The following PLCB1 variants were observed in gnomAD, a reference collection of about 807,000 sequenced individuals.
PLCB1 encodes the protein 1-phosphatidylinositol 4,5-bisphosphate phosphodiesterase beta-1.
In PLCB1, 46 loss-of-function variants were observed where a neutral mutation model predicts 161.8. The observed-to-expected ratio is 0.28, with a 90% CI of 0.22 to 0.36. The LOEUF (loss-of-function observed/expected upper bound fraction) is 0.36, where lower values mean the gene tolerates loss of function less well. PLCB1 is among the 10% of genes least tolerant of loss of function. The pLI, the probability that PLCB1 is intolerant of heterozygous loss-of-function variation, is 1.00. For missense variants in PLCB1, 1,016 were observed against 1,472.5 expected (o/e 0.69, Z 5.07); for synonymous variants, 517 against 503.7 (o/e 1.03, Z -0.35).
chr20:8,635,598 G>A (rs925984454), intron 4 of PLCB1, among the ~76,000 whole-genome samples: 1 of 152,120 alleles, frequency 6.6e-6, no homozygotes, highest in African/African-American at 2.4e-5. Context: ...GAGTTACTGT[G>A]ACTGTCACTT....
intron 3 of PLCB1, among the ~76,000 whole-genome samples, chr20:8,622,416 TC>T (rs1274149723): frequency 6.6e-6 from 1 of 152,194 alleles, no homozygotes; most frequent in Non-Finnish European, 1.5e-5. Flanking sequence ...CCATTGATAT[TC>T]TATTGGCTCA....
intron 31 of PLCB1, among the ~76,000 whole-genome samples, chr20:8,865,631 C>G (rs1987402179): frequency 6.6e-6 from 1 of 152,162 alleles, no homozygotes; most frequent in Admixed American, 6.5e-5. Flanking sequence ...CATGGCAATT[C>G]AGAGAACCAG....
chr20:8,387,069 A>T (rs1987444615), intron 3 of PLCB1, among the ~76,000 whole-genome samples: 1 of 152,194 alleles, frequency 6.6e-6, no homozygotes, highest in Non-Finnish European at 1.5e-5. Context: ...CCCTATCAGC[A>T]ATACGTTTGC....
In PLCB1 at chr20:8,629,882, T is replaced by G. The variant is rs904621035; in HGVS notation, c.384+1451T>G. ...CTTTCTTTCTTTCTTTCTTTCTCTC[T>G]CTCTTTCTTTTCTTTCTTTCTTTCT... On this transcript the variant is annotated intron_variant, in intron 4 of 31. Coordinates refer to ENST00000338037, the MANE Select transcript of PLCB1 (RefSeq NM_015192.4). Among the ~76,000 whole-genome samples, 372 of 134,082 alleles carry G rather than the reference T, an allele frequency of 2.8e-3. 5 individuals are homozygous for G. The highest frequency in any genetic ancestry group is 0.01 in the African/African-American group (356 of 34,814). The allele number at this position is 134,082 out of a possible 152,430, so 88.0% of individuals were successfully genotyped here.
chr20:8,133,939 TATTCCAGGTAGTG>T (rs1221493438), intron 1 of PLCB1, among the ~76,000 whole-genome samples: 1 of 152,248 alleles, frequency 6.6e-6, no homozygotes, highest in Non-Finnish European at 1.5e-5. Context: ...ACAATTTAAA[TATTCCAGGTAGTG>T]AATCCAATTA....
intron 2 of PLCB1, among the ~76,000 whole-genome samples, chr20:8,237,150 C>A (rs1453677974): frequency 6.6e-6 from 1 of 151,930 alleles, no homozygotes; most frequent in African/African-American, 2.4e-5. Context: ...TGAAAGTAGG[C>A]AGACATTGCA....
intron 2 of PLCB1, among the ~76,000 whole-genome samples, chr20:8,317,188 A>G (rs148999869): frequency 8.0e-4 from 122 of 152,226 alleles, no homozygotes; most frequent in Non-Finnish European, 1.5e-3. Context: ...AAGTGGATAG[A>G]GTCTAAGGTT....
intron 14 of PLCB1, among the ~76,000 whole-genome samples, chr20:8,719,130 C>T (rs1268990983): frequency 6.6e-6 from 1 of 152,076 alleles, no homozygotes; most frequent in Non-Finnish European, 1.5e-5. Context: ...ATCTGAAAAT[C>T]GCATTATAGA....
intron 11 of PLCB1, among the ~76,000 whole-genome samples, chr20:8,706,299 G>A (rs545308596): frequency 1.3e-5 from 2 of 152,316 alleles, no homozygotes; most frequent in African/African-American, 2.4e-5. Context: ...CCACGGCCAA[G>A]CCTATGGTCA....
At chr20:8,239,810 C>T (rs1389587344) in intron 2 of PLCB1, among the ~76,000 whole-genome samples, 3 of 151,960 alleles carry the variant, frequency 2.0e-5, no homozygotes, top group African/African-American at 7.2e-5. Flanking sequence ...AGAGCCTTAG[C>T]ACTGTGGCCA....
At chr20:8,849,740 C>T (rs563049533) in intron 31 of PLCB1, among the ~76,000 whole-genome samples, 66 of 151,038 alleles carry the variant, frequency 4.4e-4, no homozygotes, top group African/African-American at 1.5e-3. Context: ...CAGGGCTGAG[C>T]GCGATGGCTC....
chr20:8,692,571 T>C (rs1388476090), intron 10 of PLCB1, among the ~76,000 whole-genome samples: 1 of 152,194 alleles, frequency 6.6e-6, no homozygotes, highest in East Asian at 1.9e-4. Flanking sequence ...GATGCTATTA[T>C]TTAATGGCTT....
At chr20:8,721,838 C>T (rs1979650074) in intron 14 of PLCB1, among the ~76,000 whole-genome samples, 1 of 152,164 alleles carries the variant, frequency 6.6e-6, no homozygotes, top group South Asian at 2.1e-4. Flanking sequence ...GCAAGGTCCT[C>T]TCTGGCCTTG....
intron 23 of PLCB1, chr20:8,751,584 T>G (rs1423494338): frequency 6.6e-6 from 1 of 152,238 alleles, no homozygotes; most frequent in Admixed American, 6.5e-5. Flanking sequence ...TTTTTATATT[T>G]AATTTTAACA....
chr20:8,838,927 C>T (rs553209850), intron 31 of PLCB1, among the ~76,000 whole-genome samples: 3 of 152,274 alleles, frequency 2.0e-5, no homozygotes, highest in African/African-American at 7.2e-5. Flanking sequence ...CAATAAGGCT[C>T]GTGAGAAGCA....
At chr20:8,265,452 CTG>C (rs546217110) in intron 2 of PLCB1, among the ~76,000 whole-genome samples, 17 of 152,164 alleles carry the variant, frequency 1.1e-4, no homozygotes, top group Non-Finnish European at 2.1e-4. Flanking sequence ...TCATGTCTAA[CTG>C]AACACATTTT....
chr20:8,734,941 G>A (rs148882278), intron 19 of PLCB1, among the ~76,000 whole-genome samples: 42 of 152,170 alleles, frequency 2.8e-4, no homozygotes, highest in Non-Finnish European at 2.9e-4. Flanking sequence ...TAAAACTTTC[G>A]TCACTTTATA....
At position 8,199,460 on chromosome 20, in the gene PLCB1, A is replaced by G. The variant is rs1305698208; in HGVS notation, c.177+49089A>G. The stretch of plus-strand genomic sequence containing the variant: ...TGTATGAATGTGCCTATTGCCATGA[A>G]TGTTTGCCGAAATAAATCTTTGGCA... On this transcript the variant is annotated intron_variant, in intron 2 of 31. Transcript: ENST00000338037. Among the ~76,000 whole-genome samples, 5 of 152,276 alleles carry G rather than the reference A, an allele frequency of 3.3e-5. No homozygotes were observed. The East Asian group carries it at 7.7e-4, about 24-fold the overall frequency.
intron 4 of PLCB1, among the ~76,000 whole-genome samples, chr20:8,642,668 G>A (rs6055969): frequency 0.71 from 108,451 of 152,130 alleles, 39,146 homozygotes; most frequent in African/African-American, 0.82. Context: ...ATTATTATAT[G>A]TCCCAGTAAC....
Sources: gnomAD v4.1 joint callset for allele counts (sites outside exome capture counted in the v4.1 genomes callset) on GRCh38, gnomAD v4.1.1 for gene constraint, MANE v1.5 for transcripts, NCBI Gene and HGNC (gene_info 2026-07-23, HGNC 2026-07-21) for gene names.